SUMF1: variants seen among roughly 807,000 people sequenced by gnomAD.
SUMF1 encodes formylglycine-generating enzyme.
Under a neutral mutation model 47.6 loss-of-function variants are expected in SUMF1, and 48 were observed. The ratio of observed to expected loss-of-function variants is 1.01; its 90% CI spans 0.80 to 1.28. The LOEUF is 1.28. Among genes scored for constraint, SUMF1 ranks in the 50% most tolerant of loss-of-function variants. The pLI, the probability that SUMF1 is intolerant of heterozygous loss-of-function variation, is 0.00. For missense variants in SUMF1, 571 were observed against 485.4 expected, an observed-to-expected ratio of 1.18 and a Z score of -1.66; for synonymous variants, 230 against 192.1, an observed-to-expected ratio of 1.20 and a Z score of -1.63.
At chr3:4,333,743 G>C (rs1446126975) in intron 8 of SUMF1, among the ~76,000 whole-genome samples, 3 of 152,166 alleles carry the variant, frequency 2.0e-5, no homozygotes, top group Admixed American at 2.0e-4. Flanking sequence ...AAAGAAGAAG[G>C]AGGAATAGTG....
chr3:4,381,927 T>A (rs1391695980), intron 7 of SUMF1, among the ~76,000 whole-genome samples: 1 of 152,074 alleles, frequency 6.6e-6, no homozygotes, highest in African/African-American at 2.4e-5. Flanking sequence ...ACGCCTGTAG[T>A]CTCAGCTACT....
chr3:4,115,943 G>A (rs1412604679), intron 8 of SUMF1, among the ~76,000 whole-genome samples: 2 of 151,978 alleles, frequency 1.3e-5, no homozygotes, highest in African/African-American at 4.8e-5. Context: ...TTTAAACATT[G>A]GACTCTGGAA....
intron 8 of SUMF1, among the ~76,000 whole-genome samples, chr3:4,224,238 G>C: frequency 6.6e-6 from 1 of 152,136 alleles, no homozygotes; most frequent in South Asian, 2.1e-4. Context: ...GGTTAGTTTC[G>C]CATTACTTAG....
intron 8 of SUMF1, among the ~76,000 whole-genome samples, chr3:4,186,344 G>A (rs766140138): frequency 6.6e-6 from 1 of 152,144 alleles, no homozygotes; most frequent in Non-Finnish European, 1.5e-5. Context: ...ACCCATGTCG[G>A]TTGCTATGGT....
intron 8 of SUMF1, among the ~76,000 whole-genome samples, chr3:4,238,143 T>G (rs1054732529): frequency 3.3e-5 from 5 of 152,198 alleles, no homozygotes; most frequent in Non-Finnish European, 7.3e-5. Flanking sequence ...TATTCCATGG[T>G]GCATATGTGC....
chr3:4,248,187 A>G (rs1696712413), intron 8 of SUMF1, among the ~76,000 whole-genome samples: 1 of 152,198 alleles, frequency 6.6e-6, no homozygotes, highest in Non-Finnish European at 1.5e-5. Flanking sequence ...TGAAGTGTCC[A>G]CTGCTGAAGA....
chr3:4,069,390 T>C lies in SUMF1; in HGVS notation c.1015-645A>G, dbSNP rs188344694. On this transcript the variant is annotated intron_variant and NMD_transcript_variant, in intron 8 of 12. Coordinates refer to the SUMF1 transcript ENST00000448413. ...GAAGAGTGCCACACTTGGTTAAATATTCAGCTGTCATGGTCCTGAAATTCT... is the reference window on the plus strand; with the variant it reads ...GAAGAGTGCCACACTTGGTTAAATACTCAGCTGTCATGGTCCTGAAATTCT... Among the ~76,000 whole-genome samples, 22 of 152,324 alleles carry C rather than the reference T, an allele frequency of 1.4e-4. No homozygotes were observed. The East Asian group carries it at 3.7e-3, about 25-fold the overall frequency.
intron 2 of SUMF1, among the ~76,000 whole-genome samples, chr3:4,450,584 G>A (rs925330717): frequency 6.6e-6 from 1 of 152,108 alleles, no homozygotes; most frequent in African/African-American, 2.4e-5. Context: ...GGGGATATAA[G>A]GTCAATATCA....
Position 4,419,885 on chromosome 3 carries a change from G to A in SUMF1, c.602+179C>T, listed in dbSNP as rs711667. On this transcript the variant is annotated intron_variant, in intron 4 of 8. Coordinates refer to ENST00000272902, the MANE Select transcript of SUMF1 (RefSeq NM_182760.4). Reference sequence around the variant, plus strand: ...TTAAGAGCTTTCTTATGAGCAAGGTGCAGTGTTTGGGTCTTTACATACGTT... The same window carrying A: ...TTAAGAGCTTTCTTATGAGCAAGGTACAGTGTTTGGGTCTTTACATACGTT... 0.82 allele frequency among the ~76,000 whole-genome samples: 124,207 copies of A among 152,230 alleles called. 52,334 individuals carry two copies. Among genetic ancestry groups the A allele is most frequent in the Middle Eastern group, 0.93 (272 of 294 alleles).
intron 8 of SUMF1, among the ~76,000 whole-genome samples, chr3:4,106,280 G>A (rs1693156169): frequency 6.6e-6 from 1 of 152,012 alleles, no homozygotes; most frequent in Non-Finnish European, 1.5e-5. Flanking sequence ...TTGGCCTAAA[G>A]AAAAGATAAA....
intron 8 of SUMF1, among the ~76,000 whole-genome samples, chr3:4,243,353 T>C (rs1462369699): frequency 6.6e-6 from 1 of 152,248 alleles, no homozygotes; most frequent in African/African-American, 2.4e-5. Context: ...ATTGTAGTGT[T>C]AGGCTGTCGA....
chr3:4,239,018 T>C (rs893103790), intron 8 of SUMF1, among the ~76,000 whole-genome samples: 1 of 152,142 alleles, frequency 6.6e-6, no homozygotes, highest in African/African-American at 2.4e-5. Flanking sequence ...CCAACACCAT[T>C]TATTAAATAG....
intron 8 of SUMF1, among the ~76,000 whole-genome samples, chr3:4,329,255 G>C (rs760460332): frequency 6.6e-6 from 1 of 152,194 alleles, no homozygotes; most frequent in East Asian, 1.9e-4. Context: ...TGCCCCAGTG[G>C]GGACTCTGTG....
At chr3:4,279,097 C>T (rs1290395010) in intron 8 of SUMF1, among the ~76,000 whole-genome samples, 5 of 152,030 alleles carry the variant, frequency 3.3e-5, no homozygotes, top group Non-Finnish European at 5.9e-5. Context: ...GACACTTTTG[C>T]CACATGTAGT....
chr3:4,274,109 A>G (rs185068583), intron 8 of SUMF1, among the ~76,000 whole-genome samples: 67 of 151,930 alleles, frequency 4.4e-4, no homozygotes, highest in African/African-American at 1.6e-3. Context: ...GTCATACTAA[A>G]AACAAACAAA....
Position 4,077,137 on chromosome 3 carries a change from G to A in SUMF1, c.1015-8392C>T, listed in dbSNP as rs191442879. 2.0e-4 allele frequency among the ~76,000 whole-genome samples: 31 copies of A among 152,224 alleles called. 1 individual carries two copies. Among genetic ancestry groups the A allele is most frequent in the Admixed American group, 1.6e-3 (24 of 15,292 alleles). On this transcript the variant is annotated intron_variant and NMD_transcript_variant, in intron 8 of 12. Coordinates refer to the SUMF1 transcript ENST00000448413. ...TCTCACACCAGTTAGAATGGTGATC[G>A]TTAAAAAGTCAGGAAACAACAGACG... is the stretch of plus-strand genomic sequence containing the variant.
At chr3:4,367,248 A>T (rs1229334716) in intron 8 of SUMF1, among the ~76,000 whole-genome samples, 2 of 152,158 alleles carry the variant, frequency 1.3e-5, no homozygotes, top group Non-Finnish European at 2.9e-5. Context: ...GCTCTCTTCA[A>T]AGCTGTCAGA....
chr3:4,315,841 G>T (rs188054961), intron 8 of SUMF1, among the ~76,000 whole-genome samples: 175 of 152,136 alleles, frequency 1.2e-3, no homozygotes, highest in South Asian at 2.3e-3. Context: ...GAGCTTGGGA[G>T]TTTGAGACCA....
intron 1 of SUMF1, among the ~76,000 whole-genome samples, chr3:4,463,260 G>A (rs574059219): frequency 1.8e-4 from 27 of 152,220 alleles, no homozygotes; most frequent in African/African-American, 6.3e-4. Flanking sequence ...GGGAGGCAGA[G>A]GCAGGTGGAT....
Sources: gnomAD v4.1 joint callset for allele counts (sites outside exome capture counted in the v4.1 genomes callset) on GRCh38, gnomAD v4.1.1 for gene constraint, MANE v1.5 for transcripts, NCBI Gene and HGNC (gene_info 2026-07-23, HGNC 2026-07-21) for gene names.